The following KCNIP4 variants were observed in gnomAD, a reference collection of about 807,000 sequenced individuals.
KCNIP4 encodes potassium voltage-gated channel interacting protein 4.
In KCNIP4, 12 loss-of-function variants were observed where a neutral mutation model predicts 34.0. The ratio of observed to expected loss-of-function variants is 0.35; its 90% CI spans 0.23 to 0.57. The LOEUF is 0.57. KCNIP4 is among the 20% of genes least tolerant of loss of function. The pLI is 0.83. For missense variants in KCNIP4, 238 were observed against 311.7 expected, an observed-to-expected ratio of 0.76 and a Z score of 1.78; for synonymous variants, 124 against 102.2, an observed-to-expected ratio of 1.21 and a Z score of -1.29.
At chr4:20,765,608 TC>T (rs1207401506) in intron 3 of KCNIP4, among the ~76,000 whole-genome samples, 1 of 152,196 alleles carries the variant, frequency 6.6e-6, no homozygotes, top group East Asian at 1.9e-4. Flanking sequence ...AGGAAAATGT[TC>T]TGGTTTTTAG....
chr4:21,616,781 T>C (rs2109163126), intron 1 of KCNIP4, among the ~76,000 whole-genome samples: 1 of 152,280 alleles, frequency 6.6e-6, no homozygotes, highest in African/African-American at 2.4e-5. Flanking sequence ...ACACGAGTCA[T>C]ACTGAATTAA....
intron 1 of KCNIP4, among the ~76,000 whole-genome samples, chr4:20,991,279 C>A (rs1278765696): frequency 6.6e-6 from 1 of 152,048 alleles, no homozygotes; most frequent in African/African-American, 2.4e-5. Context: ...TAGGATGTGA[C>A]GTTAACCTCA....
chr4:20,872,584 T>C (rs1364793529), intron 2 of KCNIP4, among the ~76,000 whole-genome samples: 9 of 152,290 alleles, frequency 5.9e-5, no homozygotes, highest in East Asian at 1.9e-4. Flanking sequence ...ACCAGACTCA[T>C]GTTTAGCTCA....
intron 2 of KCNIP4, among the ~76,000 whole-genome samples, chr4:20,877,776 A>G (rs1724220679): frequency 6.6e-6 from 1 of 152,100 alleles, no homozygotes; most frequent in Non-Finnish European, 1.5e-5. Context: ...CAAATCTTGC[A>G]GTCAGACAGT....
chr4:21,797,427 G>T (rs1432010817), intron 1 of KCNIP4, among the ~76,000 whole-genome samples: 1 of 151,994 alleles, frequency 6.6e-6, no homozygotes, highest in Non-Finnish European at 1.5e-5. Context: ...TTACAGGTAT[G>T]AGCTACCATG....
intron 1 of KCNIP4, among the ~76,000 whole-genome samples, chr4:21,752,779 C>A (rs1184419561): frequency 6.6e-6 from 1 of 152,108 alleles, no homozygotes; most frequent in Non-Finnish European, 1.5e-5. Context: ...TATAGCTAGG[C>A]TAAATCCCAC....
At chr4:21,692,053 T>C (rs1327040665) in intron 1 of KCNIP4, among the ~76,000 whole-genome samples, 1 of 152,076 alleles carries the variant, frequency 6.6e-6, no homozygotes, top group Non-Finnish European at 1.5e-5. Flanking sequence ...GTGAAACATG[T>C]TGATTAATTT....
At chr4:20,823,737 T>C (rs771944399) in intron 3 of KCNIP4, among the ~76,000 whole-genome samples, 3 of 152,214 alleles carry the variant, frequency 2.0e-5, no homozygotes, top group African/African-American at 2.4e-5. Flanking sequence ...ACCCACTCCA[T>C]AGTATTCTTT....
intron 1 of KCNIP4, among the ~76,000 whole-genome samples, chr4:21,638,303 A>C (rs1486802414): frequency 6.6e-6 from 1 of 152,164 alleles, no homozygotes; most frequent in African/African-American, 2.4e-5. Flanking sequence ...AAGGTACTCC[A>C]CATGTCTTCT....
At chr4:21,904,779 G>T (rs1235996213) in intron 1 of KCNIP4, among the ~76,000 whole-genome samples, 1 of 152,124 alleles carries the variant, frequency 6.6e-6, no homozygotes. Context: ...ATATTTAGCA[G>T]CATGACAAGC....
At chr4:20,797,701 T>C (rs1713662801) in intron 3 of KCNIP4, among the ~76,000 whole-genome samples, 1 of 152,114 alleles carries the variant, frequency 6.6e-6, no homozygotes, top group East Asian at 1.9e-4. Flanking sequence ...GTAGAGGGGA[T>C]AGAGAGCAAG....
chr4:21,382,783 A>G (rs951591262), intron 1 of KCNIP4, among the ~76,000 whole-genome samples: 1 of 152,226 alleles, frequency 6.6e-6, no homozygotes, highest in Non-Finnish European at 1.5e-5. Context: ...ATGAAGTATT[A>G]CCACACATCC....
At chr4:21,668,262 A>G (rs1039467613) in intron 1 of KCNIP4, among the ~76,000 whole-genome samples, 10 of 152,116 alleles carry the variant, frequency 6.6e-5, no homozygotes, top group Non-Finnish European at 1.5e-5. Context: ...AACTTAGAGG[A>G]TGGGTCAACA....
At chr4:21,621,472 C>T (rs78045446) in intron 1 of KCNIP4, among the ~76,000 whole-genome samples, 94 of 152,244 alleles carry the variant, frequency 6.2e-4, no homozygotes, top group African/African-American at 2.0e-3. Flanking sequence ...AGCGATGGAT[C>T]GTCCTGCCTC....
intron 1 of KCNIP4, among the ~76,000 whole-genome samples, chr4:21,607,581 G>T (rs1421512716): frequency 6.6e-6 from 1 of 151,730 alleles, no homozygotes; most frequent in African/African-American, 2.4e-5. Flanking sequence ...TTGATCCCGG[G>T]ATCTCCCCAG....
chr4:21,504,465 CAA>C (rs376644707), intron 1 of KCNIP4, among the ~76,000 whole-genome samples: 2 of 56,382 alleles, frequency 3.5e-5, no homozygotes, highest in Admixed American at 1.9e-4. Context: ...GACTCCAACT[CAA>C]AAAAAAAAAA....
chr4:21,568,694 GCTCT>G (rs1740109392), intron 1 of KCNIP4, among the ~76,000 whole-genome samples: 1 of 152,088 alleles, frequency 6.6e-6, no homozygotes, highest in Admixed American at 6.5e-5. Context: ...TTTGCCAGGG[GCTCT>G]CTGTGGCCTT....
Position 21,545,173 on chromosome 4 carries a change from T to A in KCNIP4, c.61+403398A>T, listed in dbSNP as rs181428384. On this transcript the variant is annotated intron_variant, in intron 1 of 8. Transcript: ENST00000382152. ...GTTAAAAGACACTCCCATGACAGTT[T>A]ACAAATGTCATGACAATGTCAGGAA... Among the ~76,000 whole-genome samples the A allele has an allele frequency of 2.0e-5, 3 of 152,242 alleles. No individual in the cohort carries two copies. The East Asian group carries it at 5.8e-4, about 30-fold the overall frequency.
chr4:21,835,732 G>A (rs1039380898), intron 1 of KCNIP4, among the ~76,000 whole-genome samples: 2 of 151,860 alleles, frequency 1.3e-5, no homozygotes, highest in Admixed American at 1.3e-4. Context: ...TATGTATCAG[G>A]GGCCATGCAT....
Sources: allele counts gnomAD v4.1 joint callset (sites outside exome capture counted in the v4.1 genomes callset), GRCh38; gene constraint gnomAD v4.1.1; transcripts MANE v1.5; gene names NCBI Gene and HGNC (gene_info 2026-07-23, HGNC 2026-07-21).